Variants in RCAN2 observed in about 807,000 individuals in gnomAD.
RCAN2 encodes calcipressin-2.
RCAN2 carries 9 observed loss-of-function variants against 23.6 expected under a neutral mutation model. The observed-to-expected ratio is 0.38, with a 90% CI of 0.23 to 0.67. RCAN2 has a LOEUF of 0.67. RCAN2 is among the 30% of genes least tolerant of loss of function. RCAN2 has a pLI of 0.51. For missense variants in RCAN2, 273 were observed against 302.3 expected (o/e 0.90, Z 0.72); for synonymous variants, 109 against 115.7 (o/e 0.94, Z 0.37).
At chr6:46,331,623 C>T (rs1256023582) in intron 2 of RCAN2, among the ~76,000 whole-genome samples, 1 of 152,156 alleles carries the variant, frequency 6.6e-6, no homozygotes, top group Non-Finnish European at 1.5e-5. Flanking sequence ...AGGAGTCAGG[C>T]ATTTCTCCAA....
chr6:46,261,166 G>T (rs531011377), intron 2 of RCAN2, among the ~76,000 whole-genome samples: 1 of 152,310 alleles, frequency 6.6e-6, no homozygotes, highest in East Asian at 1.9e-4. Flanking sequence ...TTGATGAAAT[G>T]CATAGCCTGT....
At chr6:46,387,087 A>G (rs1312627315) in intron 2 of RCAN2, among the ~76,000 whole-genome samples, 1 of 152,216 alleles carries the variant, frequency 6.6e-6, no homozygotes, top group Non-Finnish European at 1.5e-5. Context: ...CTTACACCTT[A>G]TACAAAAATT....
At position 46,482,615 on chromosome 6, in the gene RCAN2, T is replaced by C. The variant is rs574645195; in HGVS notation, c.-3+8558A>G. 9.8e-5 allele frequency among the ~76,000 whole-genome samples: 15 copies of C among 152,328 alleles called. No individual in the cohort carries two copies. The South Asian group carries it at 3.1e-3, about 32-fold the overall frequency. On this transcript the variant is annotated intron_variant, in intron 1 of 4. Coordinates refer to ENST00000371374, the MANE Select transcript of RCAN2 (RefSeq NM_001251974.2). ...CTAAAAGATATGCCCTTGAAAGTTA[T>C]ACTGTCATAAAATTACCTAGGATTA...
At chr6:46,356,416 T>G (rs1194629747) in intron 2 of RCAN2, among the ~76,000 whole-genome samples, 2 of 152,208 alleles carry the variant, frequency 1.3e-5, no homozygotes. Context: ...CCTCTGAGAT[T>G]TGGACTTATT....
At chr6:46,234,262 C>G (rs1026701474) in intron 4 of RCAN2, among the ~76,000 whole-genome samples, 1 of 152,234 alleles carries the variant, frequency 6.6e-6, no homozygotes, top group Non-Finnish European at 1.5e-5. Flanking sequence ...TTCTTGGACA[C>G]TTTCTTACTA....
intron 2 of RCAN2, among the ~76,000 whole-genome samples, chr6:46,410,899 C>A (rs1766533214): frequency 1.3e-5 from 2 of 152,150 alleles, no homozygotes; most frequent in Admixed American, 1.3e-4. Context: ...ACTGAAAAGC[C>A]TTTTGCCATG....
intron 2 of RCAN2, among the ~76,000 whole-genome samples, chr6:46,417,989 T>A (rs991070274): frequency 6.6e-6 from 1 of 152,206 alleles, no homozygotes; most frequent in Non-Finnish European, 1.5e-5. Flanking sequence ...AATCTGAAAC[T>A]TGAATCCAGC....
chr6:46,418,418 C>A (rs1318944095), intron 2 of RCAN2, among the ~76,000 whole-genome samples: 2 of 152,102 alleles, frequency 1.3e-5, no homozygotes, highest in Non-Finnish European at 2.9e-5. Flanking sequence ...ACTTGCTCCA[C>A]GTCCTCAATT....
chr6:46,451,037 T>C (rs997394434), intron 2 of RCAN2, among the ~76,000 whole-genome samples: 1 of 152,136 alleles, frequency 6.6e-6, no homozygotes, highest in South Asian at 2.1e-4. Flanking sequence ...AATAAATGTA[T>C]ACATAATTTT....
chr6:46,349,991 C>A (rs1007495562), intron 2 of RCAN2, among the ~76,000 whole-genome samples: 2 of 152,312 alleles, frequency 1.3e-5, no homozygotes, highest in East Asian at 3.9e-4. Flanking sequence ...TCCCTGGCCC[C>A]CACTTGACAT....
At chr6:46,243,682 C>A (rs949129284) in intron 4 of RCAN2, among the ~76,000 whole-genome samples, 1 of 151,680 alleles carries the variant, frequency 6.6e-6, no homozygotes, top group African/African-American at 2.4e-5. Context: ...TGGTGGCATG[C>A]GCCTGTAGTC....
chr6:46,430,589 T>C (rs1212483358), intron 2 of RCAN2, among the ~76,000 whole-genome samples: 1 of 152,222 alleles, frequency 6.6e-6, no homozygotes, highest in East Asian at 1.9e-4. Context: ...CTCACTTTTA[T>C]AATTTAATTC....
At chr6:46,421,426 T>C (rs960320944) in intron 2 of RCAN2, among the ~76,000 whole-genome samples, 3 of 152,170 alleles carry the variant, frequency 2.0e-5, no homozygotes, top group Admixed American at 2.0e-4. Context: ...ATTCAGAGAA[T>C]AATGTAATAG....
chr6:46,429,405 C>T (rs894475671), intron 2 of RCAN2, among the ~76,000 whole-genome samples: 1 of 152,160 alleles, frequency 6.6e-6, no homozygotes, highest in Admixed American at 6.6e-5. Context: ...AACTCTGCAT[C>T]TTTTACCTTG....
intron 4 of RCAN2, among the ~76,000 whole-genome samples, chr6:46,236,510 A>T (rs556081250): frequency 6.6e-6 from 1 of 151,510 alleles, no homozygotes; most frequent in East Asian, 1.9e-4. Context: ...ATTATTCATT[A>T]GTTATTTCCT....
intron 2 of RCAN2, among the ~76,000 whole-genome samples, chr6:46,385,201 G>C (rs1765709106): frequency 6.6e-6 from 1 of 152,156 alleles, no homozygotes; most frequent in South Asian, 2.1e-4. Context: ...ATCAAATACA[G>C]GAGGATGACT....
In RCAN2 at chr6:46,456,920, G is replaced by A; in HGVS notation, c.57C>T (p.Val19=). ...GTAAGAAAAGTCCTCCATCTTCAGG[G>A]ACGTGTCCCTGCTGCCCTGGGCTCC... is the stretch of plus-strand genomic sequence containing the variant. ...GMRSPGQQGH[V]PEDGGLFLLC... is the part of the protein sequence containing the mutation. The change falls in exon 2 of 5, where the codon GTC becomes GTT. Residue 19 remains valine, a synonymous_variant. Coordinates refer to ENST00000371374, the MANE Select transcript of RCAN2 (RefSeq NM_001251974.2). The A allele has an allele frequency of 1.3e-6, 2 of 1,550,818 alleles. No homozygotes were observed. The highest frequency in any genetic ancestry group is 1.7e-6 in the Non-Finnish European group (2 of 1,147,050).
intron 2 of RCAN2, among the ~76,000 whole-genome samples, chr6:46,323,917 G>A (rs1433308151): frequency 6.6e-6 from 1 of 152,110 alleles, no homozygotes; most frequent in Non-Finnish European, 1.5e-5. Context: ...ATAAAGTTTA[G>A]AATATTTTAT....
chr6:46,458,356 A>G lies in RCAN2; in HGVS notation c.-2-1378T>C, dbSNP rs564954517. Among the ~76,000 whole-genome samples the G allele has an allele frequency of 6.6e-5, 10 of 152,298 alleles. 1 individual carries two copies. In the East Asian group the frequency reaches 1.7e-3, roughly 26 times the overall value. On this transcript the variant is annotated intron_variant, in intron 1 of 4. Transcript: ENST00000371374. Reference sequence around the variant, plus strand: ...TTTCATTTTTCCTAGAAAAGCCCCAATGAGAGTTGGTAAGCAGCATTTTCT... The same window carrying G: ...TTTCATTTTTCCTAGAAAAGCCCCAGTGAGAGTTGGTAAGCAGCATTTTCT...
Sources: gnomAD v4.1 joint callset for allele counts (sites outside exome capture counted in the v4.1 genomes callset) on GRCh38, gnomAD v4.1.1 for gene constraint, MANE v1.5 for transcripts, NCBI Gene and HGNC (gene_info 2026-07-23, HGNC 2026-07-21) for gene names.